EYA3: variants seen among roughly 807,000 people sequenced by gnomAD.
The protein encoded by EYA3 is EYA transcriptional coactivator and phosphatase 3.
A neutral mutation model predicts 80.0 loss-of-function variants in EYA3; 39 were observed. That is an observed-to-expected ratio of 0.49 (90% CI 0.38 to 0.64). The LOEUF is 0.64. Ranked by LOEUF, EYA3 falls within the 30% of genes least tolerant of loss-of-function variation. The pLI, the probability that EYA3 is intolerant of heterozygous loss-of-function variation, is 0.00. For synonymous variants in EYA3, 206 were observed against 232.8 expected, an observed-to-expected ratio of 0.88 and a Z score of 1.05; for missense variants, 523 against 676.1, an observed-to-expected ratio of 0.77 and a Z score of 2.51.
intron 1 of EYA3, among the ~76,000 whole-genome samples, chr1:28,065,566 G>A (rs564026369): frequency 4.6e-5 from 7 of 151,596 alleles, no homozygotes; most frequent in South Asian, 2.1e-4. Flanking sequence ...CAGCCCTACC[G>A]TAGATCTTAA....
chr1:28,011,207 G>T, intron 9 of EYA3, 121 bp from the exon 10 acceptor site: 1 of 1,063,530 alleles, frequency 9.4e-7, no homozygotes, highest in Non-Finnish European at 1.3e-6. Context: ...AGGTTGGAAA[G>T]CTAAACCTTA....
chr1:28,062,656 A>AGGTG (rs1644672000), intron 1 of EYA3, among the ~76,000 whole-genome samples: 1 of 94,434 alleles, frequency 1.1e-5, no homozygotes, highest in Non-Finnish European at 2.4e-5. Flanking sequence ...AAATATATGT[A>AGGTG]GGTGTGTGTG....
At position 27,987,952 on chromosome 1, in the gene EYA3, T is replaced by C. The variant is rs181453006; in HGVS notation, c.1540+583A>G. Among the ~76,000 whole-genome samples the C allele has an allele frequency of 1.6e-4, 25 of 152,290 alleles. 1 individual carries two copies. Among genetic ancestry groups the C allele is most frequent in the Admixed American group, 5.9e-4 (9 of 15,286 alleles). On this transcript the variant is annotated intron_variant, in intron 16 of 17. Transcript: ENST00000373871. ...CAAGATCACATAGCTCACTGCAGCA[T>C]TGAACTTCTGGCTCAAGTGACCCTC...
chr1:28,067,647 C>A (rs1318154576), intron 1 of EYA3, among the ~76,000 whole-genome samples: 2 of 152,132 alleles, frequency 1.3e-5, no homozygotes, highest in African/African-American at 4.8e-5. Flanking sequence ...CAGAAAGATT[C>A]ATTTGATTTT....
chr1:27,979,771 A>G (rs1378038867), intron 16 of EYA3, among the ~76,000 whole-genome samples: 5 of 152,174 alleles, frequency 3.3e-5, no homozygotes, highest in Non-Finnish European at 5.9e-5. Context: ...TCCTGTGTAA[A>G]TAAGATAAAG....
intron 9 of EYA3, among the ~76,000 whole-genome samples, chr1:28,012,057 G>A (rs532732836): frequency 1.4e-4 from 22 of 152,046 alleles, no homozygotes; most frequent in Non-Finnish European, 2.6e-4. Context: ...TTTTAAAGAT[G>A]GGATAATGCC....
chr1:27,976,883 A>G (rs533777307), intron 17 of EYA3: 47 of 311,794 alleles, frequency 1.5e-4, no homozygotes, highest in African/African-American at 9.7e-4. Flanking sequence ...ATGCCCGGCT[A>G]ATTTTTATAT....
chr1:28,070,230 AACAG>A (rs1397758956), intron 1 of EYA3, among the ~76,000 whole-genome samples: 34 of 152,132 alleles, frequency 2.2e-4, no homozygotes, highest in Non-Finnish European at 4.3e-4. Flanking sequence ...CACTGAATGA[AACAG>A]ACAAACTGAA....
rs143933442 is a variant in EYA3, at chr1:27,971,300, C to A, written c.*3166G>T. The A allele has an allele frequency of 1.3e-3, 205 of 152,632 alleles. No homozygotes were observed. The highest frequency in any genetic ancestry group is 2.9e-3 in the South Asian group (14 of 4,828). The allele number at this position is 152,632 out of a possible 1,614,324, so 9.5% of individuals were successfully genotyped here. ...GACATTACAGACCCATCCTGTAGAA[C>A]CCACAGTGCCTGGCCAGGCATGGTG... On this transcript the variant is annotated 3_prime_UTR_variant, in exon 18 of 18. Transcript: ENST00000373871.
Position 27,988,721 on chromosome 1 carries a change from T to A in EYA3, c.1419-65A>T, listed in dbSNP as rs538685129. Reference sequence around the variant, plus strand: ...ACCAACCTGGGAGCAAGAATTCGTATGTGCCAACTCTTTAGAATTTAATTA... The same window carrying A: ...ACCAACCTGGGAGCAAGAATTCGTAAGTGCCAACTCTTTAGAATTTAATTA... On this transcript the variant is annotated intron_variant, in intron 15 of 17. Coordinates refer to ENST00000373871, the MANE Select transcript of EYA3 (RefSeq NM_001990.4). The A allele has an allele frequency of 3.2e-6, 5 of 1,573,084 alleles. No homozygotes were observed. In the East Asian group the frequency reaches 9.0e-5, roughly 28 times the overall value.
At chr1:28,030,453 A>G (rs1643074259) in intron 6 of EYA3, among the ~76,000 whole-genome samples, 1 of 151,944 alleles carries the variant, frequency 6.6e-6, no homozygotes. Context: ...ACGCCTGGCT[A>G]CTTTTTGTAT....
rs1239843617 is a variant in EYA3, at chr1:28,013,204, C to T, written c.676G>A (p.Asp226Asn). 1.9e-6 allele frequency: 3 copies of T among 1,614,004 alleles called. No homozygotes were observed. The highest frequency in any genetic ancestry group is 1.3e-5 in the African/African-American group (1 of 74,900). Residue 226 changes from aspartate to asparagine, a missense_variant, in exon 9 of 18, where the codon GAT (aspartate) becomes AAT (asparagine). Around this residue, in one of 2 missense-constraint regions of EYA3, gnomAD observed 304 missense variants for 343.3 expected, o/e 0.89. Transcript: ENST00000373871. The surrounding 1 kb of genome is among the most constrained non-coding windows in gnomAD (Gnocchi z 4.0). ...SFGVTGQTNSDAESTTLAATT... is the reference protein window; with the variant it reads ...SFGVTGQTNSNAESTTLAATT... ...GCTGCTAATGTGGTGCTCTCTGCAT[C>T]ACTGTTAGTCTGACCTGTGACTCCA...
At chr1:27,975,868 G>A (rs1276208707) in intron 17 of EYA3, among the ~76,000 whole-genome samples, 1 of 151,796 alleles carries the variant, frequency 6.6e-6, no homozygotes, top group Non-Finnish European at 1.5e-5. Flanking sequence ...GTGCAGTGGT[G>A]CTATCTCAGC....
rs1440858350 is a variant in EYA3, at chr1:28,035,605, C to T, written c.300G>A (p.Gln100=). The part of the protein sequence containing the change: ...YPGQTQYQTL[Q]QTQPYAVYPQ... ...GGTAGACAGCATAGGGTTGAGTCTG[C>T]TGTAGTGTCTGGTATTGAGTCTGTC... Residue 100 remains glutamine, a synonymous_variant, in exon 6 of 18, where the codon CAG becomes CAA. Coordinates refer to ENST00000373871, the MANE Select transcript of EYA3 (RefSeq NM_001990.4). 2 of 1,613,944 alleles carry T rather than the reference C, an allele frequency of 1.2e-6. No homozygotes were observed. Among genetic ancestry groups the T allele is most frequent in the African/African-American group, 1.3e-5 (1 of 74,902 alleles).
At chr1:27,977,157 G>C in intron 17 of EYA3, 2 of 1,431,036 alleles carry the variant, frequency 1.4e-6, no homozygotes, top group Middle Eastern at 2.4e-4. Context: ...CTTTCCCAAA[G>C]AGGGCAACAA....
intron 7 of EYA3, among the ~76,000 whole-genome samples, chr1:28,026,565 C>T (rs1642799369): frequency 6.6e-6 from 1 of 152,082 alleles, no homozygotes; most frequent in Non-Finnish European, 1.5e-5. Context: ...CTGCAGTGAG[C>T]CATGATCGCG....
rs1425990470 is a variant in EYA3 at position 27,993,558 on chromosome 1, T to C, written c.1145A>G (p.Asn382Ser). Residue 382 changes from asparagine (N) to serine (S), a missense_variant and splice_region_variant, in exon 14 of 18, where the codon AAC (asparagine) becomes AGC (serine). Physicochemically the swap from Asn to Ser is conservative, Grantham distance 46. This residue lies in a region of EYA3 where 219 missense variants were observed against 332.8 expected (regional missense o/e 0.66). Coordinates refer to ENST00000373871, the MANE Select transcript of EYA3 (RefSeq NM_001990.4). ...ASDDNGQDLS[N>S]YSFSTDGFSG... Reference sequence around the variant, plus strand: ...GAAACCATCTGTTGAGAAACTGTAGTTGCTGCAAGGAGAGAAGATAATAAA... The same window carrying C: ...GAAACCATCTGTTGAGAAACTGTAGCTGCTGCAAGGAGAGAAGATAATAAA... The C allele has an allele frequency of 6.3e-7, 1 of 1,581,408 alleles. No individual in the cohort carries two copies. Among genetic ancestry groups the C allele is most frequent in the African/African-American group, 1.4e-5 (1 of 72,842 alleles).
At position 28,000,033 on chromosome 1, in the gene EYA3, A is replaced by G. The variant is rs757950928; in HGVS notation, c.1010T>C (p.Ile337Thr). The change falls in exon 12 of 18, where the codon ATT becomes ACT. Residue 337 changes from isoleucine (I) to threonine (T), a missense_variant. By Grantham distance (89) the Ile-to-Thr change is moderately conservative. This residue lies in a region of EYA3 where 219 missense variants were observed against 332.8 expected (regional missense o/e 0.66). Transcript: ENST00000373871. The stretch of plus-strand genomic sequence containing the variant: ...TTCTTCCATTGTTAAACCTGAGCCA[A>G]TCACTACTGTTGGGTCCTAGAAGAC... ...QKYGKDPTVVIGSGLTMEEMI... is the reference protein window; with the variant it reads ...QKYGKDPTVVTGSGLTMEEMI... 23 of 1,609,902 alleles carry G rather than the reference A, an allele frequency of 1.4e-5. No individual in the cohort carries two copies. Among genetic ancestry groups the G allele is most frequent in the South Asian group, 3.3e-5 (3 of 90,040 alleles).
At chr1:28,010,651 G>C (rs966460227) in intron 10 of EYA3, 1 of 259,940 alleles carries the variant, frequency 3.8e-6, no homozygotes, top group African/African-American at 2.3e-5. Flanking sequence ...GATTACAGAT[G>C]TAAGCCACCG....
Sources: allele counts gnomAD v4.1 joint callset (sites outside exome capture counted in the v4.1 genomes callset), GRCh38; gene constraint gnomAD v4.1.1; regional missense constraint gnomAD v4.1.1; non-coding constraint Gnocchi (gnomAD v3.1); transcripts MANE v1.5; gene names NCBI Gene and HGNC (gene_info 2026-07-23, HGNC 2026-07-21).